The following LRRC17 variants were observed in gnomAD, a reference collection of about 807,000 sequenced individuals.
LRRC17 encodes the protein leucine-rich repeat-containing protein 17.
A neutral mutation model predicts 41.5 loss-of-function variants in LRRC17; 33 were observed. The ratio of observed to expected loss-of-function variants is 0.80; its 90% CI spans 0.60 to 1.06. LRRC17 has a LOEUF of 1.06. LRRC17 is among the 50% of genes least tolerant of loss of function. The pLI is 0.00. For synonymous variants in LRRC17, 192 were observed against 197.0 expected (o/e 0.97, Z 0.21); for missense variants, 491 against 519.3 (o/e 0.95, Z 0.53).
chr7:102,938,289 C>T (rs114867119), intron 2 of LRRC17, among the ~76,000 whole-genome samples: 5 of 152,218 alleles, frequency 3.3e-5, no homozygotes, highest in African/African-American at 1.2e-4. Context: ...AGGTAAATTA[C>T]CCTTAGCTGC....
chr7:102,916,137 C>T (rs561615065), intron 1 of LRRC17, among the ~76,000 whole-genome samples: 5 of 152,228 alleles, frequency 3.3e-5, no homozygotes, highest in South Asian at 2.1e-4. Context: ...GCACCCACCA[C>T]GACGCCTGGC....
rs200471398 is a variant in LRRC17, at chr7:102,944,417, A to G, written c.1136A>G (p.Lys379Arg). 1 of 1,614,076 alleles carries G rather than the reference A, an allele frequency of 6.2e-7. No individual in the cohort carries two copies. Among genetic ancestry groups the G allele is most frequent in the East Asian group, 2.2e-5 (1 of 44,870 alleles). ...YNVHFNGLEC[K>R]TPEEYKGWSV... The stretch of plus-strand genomic sequence containing the variant: ...GTCCATTTTAATGGCCTGGAATGCA[A>G]AACGCCTGAAGAATACAAAGGATGG... Residue 379 changes from lysine (K) to arginine (R), a missense_variant, in exon 4 of 4, where the codon AAA becomes AGA. By Grantham distance (26) the Lys-to-Arg change is conservative. Transcript: ENST00000339431.
At chr7:102,914,988 C>T (rs1015914596) in intron 1 of LRRC17, among the ~76,000 whole-genome samples, 1 of 152,012 alleles carries the variant, frequency 6.6e-6, no homozygotes, top group Non-Finnish European at 1.5e-5. Context: ...TGAGGCAGGC[C>T]GCGTGACACA....
Position 102,924,162 on chromosome 7 carries a change from T to C in LRRC17, c.-140-9612T>C, listed in dbSNP as rs147404049. Among the ~76,000 whole-genome samples the C allele has an allele frequency of 3.8e-3, 559 of 148,922 alleles. 5 individuals carry two copies. Among genetic ancestry groups the C allele is most frequent in the African/African-American group, 0.014 (551 of 40,280 alleles). The stretch of plus-strand genomic sequence containing the variant: ...CTGAGGCAGGAGAATTGCTTGAACC[T>C]GGGAGGCGAAGGTTGCGGTGAGCTG... On this transcript the variant is annotated intron_variant, in intron 1 of 3. Coordinates refer to ENST00000339431, the MANE Select transcript of LRRC17 (RefSeq NM_001031692.3).
intron 1 of LRRC17, among the ~76,000 whole-genome samples, chr7:102,919,934 C>T (rs1816661917): frequency 6.6e-6 from 1 of 152,124 alleles, no homozygotes. Context: ...AGACTACATA[C>T]TCATTATAAA....
intron 1 of LRRC17, among the ~76,000 whole-genome samples, chr7:102,918,249 T>A (rs1816300715): frequency 6.6e-6 from 1 of 152,230 alleles, no homozygotes; most frequent in South Asian, 2.1e-4. Context: ...CTTTTTTATA[T>A]GGCAAAAAAA....
At chr7:102,916,819 G>A (rs1032647320) in intron 1 of LRRC17, among the ~76,000 whole-genome samples, 1 of 151,222 alleles carries the variant, frequency 6.6e-6, no homozygotes, top group Non-Finnish European at 1.5e-5. Context: ...CTCTCTTTGT[G>A]ATTTATTTAT....
chr7:102,925,748 C>G (rs961132813), intron 1 of LRRC17, among the ~76,000 whole-genome samples: 1 of 152,024 alleles, frequency 6.6e-6, no homozygotes, highest in South Asian at 2.1e-4. Flanking sequence ...TTGAGACCAG[C>G]CTGACCAACA....
chr7:102,928,962 C>T (rs1287097495), intron 1 of LRRC17, among the ~76,000 whole-genome samples: 1 of 152,000 alleles, frequency 6.6e-6, no homozygotes, highest in African/African-American at 2.4e-5. Flanking sequence ...TGCGGATGAC[C>T]CTGAAGGGTA....
intron 3 of LRRC17, among the ~76,000 whole-genome samples, chr7:102,941,361 C>G (rs1262779168): frequency 6.6e-6 from 1 of 152,134 alleles, no homozygotes; most frequent in East Asian, 1.9e-4. Flanking sequence ...GAAAAACTCA[C>G]TTCGACCCCC....
chr7:102,944,498 C>T lies in LRRC17; in HGVS notation c.1217C>T (p.Pro406Leu), dbSNP rs771593126. The change falls in exon 4 of 4, where the codon CCA becomes CTA. Residue 406 changes from proline (P) to leucine (L), a missense_variant. Pro to Leu is a moderately conservative substitution (Grantham distance 98). Transcript: ENST00000339431. The part of the protein sequence containing the change: ...YYEECPKDKL[P>L]AYPESFDQDT... Reference sequence around the variant, plus strand: ...GAAGAATGCCCCAAAGACAAGTTACCAGCATATCCTGAGTCATTTGACCAA... The same window carrying T: ...GAAGAATGCCCCAAAGACAAGTTACTAGCATATCCTGAGTCATTTGACCAA... 1 of 1,613,790 alleles carries T rather than the reference C, an allele frequency of 6.2e-7. No individual in the cohort carries two copies. The highest frequency in any genetic ancestry group is 8.5e-7 in the Non-Finnish European group (1 of 1,179,964).
chr7:102,928,651 GA>G, intron 1 of LRRC17, among the ~76,000 whole-genome samples: 1 of 152,324 alleles, frequency 6.6e-6, no homozygotes, highest in East Asian at 1.9e-4. Flanking sequence ...GTACACAACT[GA>G]AGCTCCCTGA....
intron 1 of LRRC17, among the ~76,000 whole-genome samples, chr7:102,921,083 C>T (rs1584944566): frequency 6.6e-6 from 1 of 152,070 alleles, no homozygotes; most frequent in Non-Finnish European, 1.5e-5. Flanking sequence ...GCCCAGGAGG[C>T]GGAGGTTGCA....
chr7:102,924,832 G>A (rs530175715), intron 1 of LRRC17, among the ~76,000 whole-genome samples: 6 of 151,698 alleles, frequency 4.0e-5, no homozygotes, highest in South Asian at 2.1e-4. Context: ...TAGTAGAGAC[G>A]GGGTTTCACC....
At chr7:102,926,357 G>A (rs1818133689) in intron 1 of LRRC17, 2 of 1,613,382 alleles carry the variant, frequency 1.2e-6, no homozygotes, top group South Asian at 2.2e-5. Flanking sequence ...CCTCAGAAAT[G>A]TGTCTCATTG....
At chr7:102,923,666 CA>C (rs1233221614) in intron 1 of LRRC17, among the ~76,000 whole-genome samples, 1 of 151,412 alleles carries the variant, frequency 6.6e-6, no homozygotes, top group East Asian at 2.0e-4. Context: ...ACTAAAAATA[CA>C]AAAAAACTTA....
chr7:102,918,550 T>C (rs7807900), intron 1 of LRRC17, among the ~76,000 whole-genome samples: 5,443 of 152,268 alleles, frequency 0.036, 292 homozygotes, highest in African/African-American at 0.12. Flanking sequence ...ACAGAGTGGA[T>C]CATGCCTATA....
chr7:102,929,741 G>T (rs76188337), intron 1 of LRRC17, among the ~76,000 whole-genome samples: 73 of 152,002 alleles, frequency 4.8e-4, no homozygotes, highest in Non-Finnish European at 5.9e-5. Flanking sequence ...AGGGCCGGGG[G>T]TTGAGAGAAA....
At chr7:102,938,803 A>G (rs1335430212) in intron 2 of LRRC17, among the ~76,000 whole-genome samples, 1 of 152,152 alleles carries the variant, frequency 6.6e-6, no homozygotes, top group African/African-American at 2.4e-5. Flanking sequence ...AGCAAATGAG[A>G]TTTTCCTGTG....
Sources: gnomAD v4.1 joint callset for allele counts (sites outside exome capture counted in the v4.1 genomes callset) on GRCh38, gnomAD v4.1.1 for gene constraint, MANE v1.5 for transcripts, NCBI Gene and HGNC (gene_info 2026-07-23, HGNC 2026-07-21) for gene names.